Variants in CCDC137 observed in about 807,000 individuals in gnomAD.
CCDC137 encodes the protein coiled-coil domain-containing protein 137.
A neutral mutation model predicts 30.4 loss-of-function variants in CCDC137; 24 were observed. That is an observed-to-expected ratio of 0.79 (90% CI 0.57 to 1.11). The LOEUF is 1.11. Among genes scored for constraint, CCDC137 ranks in the 50% least tolerant of loss-of-function variants. The probability of loss-of-function intolerance (pLI) is 0.00; values close to 1 mark genes in which losing one functional copy is unlikely to be tolerated. For missense variants in CCDC137, 417 were observed against 380.4 expected, an observed-to-expected ratio of 1.10 and a Z score of -0.80; for synonymous variants, 182 against 155.7, an observed-to-expected ratio of 1.17 and a Z score of -1.26.
chr17:81,673,434 C>T lies in CCDC137; in HGVS notation c.*730C>T, dbSNP rs966959640. ...CAGTGGGAACAGAGTTGTCACCTACCTAACAGGGCTCTGAGAGAGCCGGGA... is the reference window on the plus strand; with the variant it reads ...CAGTGGGAACAGAGTTGTCACCTACTTAACAGGGCTCTGAGAGAGCCGGGA... On this transcript the variant is annotated 3_prime_UTR_variant, in exon 6 of 6. Transcript: ENST00000329214. 6.6e-6 allele frequency: 1 copy of T among 152,084 alleles called. No individual in the cohort carries two copies. The highest frequency in any genetic ancestry group is 2.1e-4 in the South Asian group (1 of 4,828). 9.4% of individuals were successfully genotyped at this position (152,084 alleles called of 1,614,324 possible). A position where few individuals can be genotyped will look rare whatever the true frequency, so the allele number is the denominator to read the frequency against.
rs1204885293 is a variant in CCDC137 at position 81,666,859 on chromosome 17, G to A, written c.93G>A (p.Pro31=). Residue 31 remains proline (P), a synonymous_variant, in exon 1 of 6, where the codon CCG becomes CCA. Coordinates refer to ENST00000329214, the MANE Select transcript of CCDC137 (RefSeq NM_199287.3). The part of the protein sequence containing the change: ...RRARGRQQVQ[P]LGKQRPAPWP... Reference sequence around the variant, plus strand: ...CGCGGGGGCGGCAGCAAGTGCAGCCGCTGGGGAAGCAGCGCCCAGCCCCGT... The same window carrying A: ...CGCGGGGGCGGCAGCAAGTGCAGCCACTGGGGAAGCAGCGCCCAGCCCCGT... 3 of 1,316,730 alleles carry A rather than the reference G, an allele frequency of 2.3e-6. No homozygotes were observed. Among genetic ancestry groups the A allele is most frequent in the South Asian group, 4.2e-5 (2 of 47,674 alleles). 81.6% of individuals were successfully genotyped at this position (1,316,730 alleles called of 1,614,324 possible).
chr17:81,672,871 C>T lies in CCDC137; in HGVS notation c.*167C>T, dbSNP rs1342354388. ...TCCACATCTTGCAGGGGGTGAGTGC[C>T]CGATGGACTAGGGCCAAGGCCTGGT... is the stretch of plus-strand genomic sequence containing the variant. On this transcript the variant is annotated 3_prime_UTR_variant, in exon 6 of 6. Transcript: ENST00000329214. The T allele has an allele frequency of 3.0e-6, 2 of 665,818 alleles. No homozygotes were observed. The highest frequency in any genetic ancestry group is 5.5e-5 in the East Asian group (2 of 36,188). 41.2% of individuals were successfully genotyped at this position (665,818 alleles called of 1,614,324 possible).
chr17:81,670,648 A>C (rs905008782), intron 3 of CCDC137, among the ~76,000 whole-genome samples, 195 bp downstream of exon 3: 1 of 152,184 alleles, frequency 6.6e-6, no homozygotes, highest in African/African-American at 2.4e-5. Flanking sequence ...GGCCTCCAGG[A>C]GGCTGCGGAA....
At position 81,668,141 on chromosome 17, in the gene CCDC137, C is replaced by T. The variant is rs779792296; in HGVS notation, c.268+279C>T. ...GGCGTTTTTTTCTCCCCAAAAGTAG[C>T]GAAGATTCATCAGAGTTTTTAGCAG... is the stretch of plus-strand genomic sequence containing the variant. On this transcript the variant is annotated intron_variant, in intron 2 of 5. Transcript: ENST00000329214. Among the ~76,000 whole-genome samples, 164 of 152,146 alleles carry T rather than the reference C, an allele frequency of 1.1e-3. 1 individual carries two copies. The highest frequency in any genetic ancestry group is 1.9e-3 in the Non-Finnish European group (126 of 68,018).
intron 5 of CCDC137, 85 bp downstream of exon 5, chr17:81,672,240 C>G: frequency 1.4e-6 from 2 of 1,385,000 alleles, no homozygotes; most frequent in East Asian, 2.4e-5. Context: ...CACGGTGGGT[C>G]ACACCTGTAA....
At chr17:81,667,917 C>A (rs2036665327) in intron 2 of CCDC137, 55 bp downstream of exon 2, 27 of 1,578,628 alleles carry the variant, frequency 1.7e-5, no homozygotes, top group Non-Finnish European at 2.2e-5. Flanking sequence ...TCAACCCGCC[C>A]AATCGCCCAA....
At position 81,672,097 on chromosome 17, in the gene CCDC137, T is replaced by C. The variant is rs1273035164; in HGVS notation, c.602T>C (p.Val201Ala). ...LLRDTVKFGE[V>A]VLQPPELTAR... Reference sequence around the variant, plus strand: ...CCAGACACGGTGAAGTTTGGTGAGGTTGTCCTGCAGCCCCCAGAGCTGACT... The same window carrying C: ...CCAGACACGGTGAAGTTTGGTGAGGCTGTCCTGCAGCCCCCAGAGCTGACT... The change falls in exon 5 of 6, where the codon GTT (valine) becomes GCT (alanine). Residue 201 changes from valine (V) to alanine (A), a missense_variant. Physicochemically the swap from Val to Ala is moderately conservative, Grantham distance 64 (BLOSUM62 0). Coordinates refer to ENST00000329214, the MANE Select transcript of CCDC137 (RefSeq NM_199287.3). 1.7e-5 allele frequency: 27 copies of C among 1,613,948 alleles called. No homozygotes were observed. The highest frequency in any genetic ancestry group is 2.2e-5 in the Non-Finnish European group (26 of 1,180,000).
intron 3 of CCDC137, among the ~76,000 whole-genome samples, chr17:81,670,864 C>T (rs2036712478): frequency 6.6e-6 from 1 of 152,188 alleles, no homozygotes; most frequent in Admixed American, 6.5e-5. Context: ...TACAGTGGCT[C>T]ACGCCTGTAA....
In CCDC137 at chr17:81,673,086, C is replaced by T. The variant is rs186801107; in HGVS notation, c.*382C>T. ...GCCCCCGGGAGTCAGCAGAGCCGAGCGTACAGTGCACATCAGGCAGAGCAG... is the reference window on the plus strand; with the variant it reads ...GCCCCCGGGAGTCAGCAGAGCCGAGTGTACAGTGCACATCAGGCAGAGCAG... On this transcript the variant is annotated 3_prime_UTR_variant, in exon 6 of 6. Coordinates refer to ENST00000329214, the MANE Select transcript of CCDC137 (RefSeq NM_199287.3). The T allele has an allele frequency of 1.4e-4, 40 of 281,798 alleles. No homozygotes were observed. The highest frequency in any genetic ancestry group is 7.4e-4 in the African/African-American group (34 of 45,934). 17.5% of individuals were successfully genotyped at this position (281,798 alleles called of 1,614,324 possible). A position where few individuals can be genotyped will look rare whatever the true frequency, so the allele number is the denominator to read the frequency against.
rs781395970 is a variant in CCDC137, at chr17:81,672,626, G to A, written c.792G>A (p.Ala264=). ...AGCGGGCCGTGCAGGCCTACAGAGC[G>A]TTGAAGCAGCGGCAGCAGCAGCTGC... is the stretch of plus-strand genomic sequence containing the variant. The part of the protein sequence containing the change: ...ERERAVQAYR[A]LKQRQQQLHG... The change falls in exon 6 of 6, where the codon GCG becomes GCA. Residue 264 remains alanine (A), a synonymous_variant. Coordinates refer to ENST00000329214, the MANE Select transcript of CCDC137 (RefSeq NM_199287.3). The A allele has an allele frequency of 2.4e-5, 38 of 1,599,872 alleles. No individual in the cohort carries two copies. Among genetic ancestry groups the A allele is most frequent in the Middle Eastern group, 1.7e-4 (1 of 6,040 alleles).
In CCDC137 at chr17:81,672,659, G is replaced by A; in HGVS notation, c.825G>A (p.Glu275=). 6.2e-7 allele frequency: 1 copy of A among 1,601,188 alleles called. No homozygotes were observed. The highest frequency in any genetic ancestry group is 1.1e-5 in the South Asian group (1 of 88,986). The part of the protein sequence containing the change: ...LKQRQQQLHG[E]RPHLTSRKKP... The stretch of plus-strand genomic sequence containing the variant: ...AGCGGCAGCAGCAGCTGCACGGGGA[G>A]CGACCCCACCTCACTTCCCGGAAGA... Residue 275 remains glutamate, a synonymous_variant, in exon 6 of 6, where the codon GAG becomes GAA. Transcript: ENST00000329214.
chr17:81,670,427 G>A lies in CCDC137; in HGVS notation c.471G>A (p.Lys157=). The A allele has an allele frequency of 6.2e-7, 1 of 1,613,600 alleles. No individual in the cohort carries two copies. The highest frequency in any genetic ancestry group is 8.5e-7 in the Non-Finnish European group (1 of 1,179,996). Residue 157 remains lysine (K), a synonymous_variant, in exon 3 of 6, where the codon AAG becomes AAA. Coordinates refer to ENST00000329214, the MANE Select transcript of CCDC137 (RefSeq NM_199287.3). ...AGGTGCAGGCAGCTCCCAAGGAGAA[G>A]TCTGAGCAGAAAAAAGCAAAAAAAG... ...QPEVQAAPKE[K]SEQKKAKKAF...
At chr17:81,671,034 A>G (rs2036714151) in intron 3 of CCDC137, among the ~76,000 whole-genome samples, 1 of 151,566 alleles carries the variant, frequency 6.6e-6, no homozygotes, top group African/African-American at 2.4e-5. Flanking sequence ...TGGGAGCCTG[A>G]GGCAGTGGAA....
chr17:81,672,048 A>C, intron 4 of CCDC137, 28 bp from the exon 5 acceptor site: 1 of 1,612,792 alleles, frequency 6.2e-7, no homozygotes, highest in Non-Finnish European at 8.5e-7. Context: ...TGTGGGCAGC[A>C]GTCCTCAGTT....
intron 3 of CCDC137, 58 bp from the exon 4 acceptor site, chr17:81,671,686 T>TC (rs891079257): frequency 3.4e-5 from 54 of 1,581,124 alleles, no homozygotes; most frequent in Non-Finnish European, 1.8e-5. Context: ...GGCCTCTGCC[T>TC]CCTCCCTGGG....
chr17:81,670,383 C>G lies in CCDC137; in HGVS notation c.427C>G (p.Gln143Glu). The G allele has an allele frequency of 6.2e-7, 1 of 1,613,940 alleles. No individual in the cohort carries two copies. Among genetic ancestry groups the G allele is most frequent in the East Asian group, 2.2e-5 (1 of 44,880 alleles). ...AQHVLFLSKN[Q>E]AIRQPEVQAA... Reference sequence around the variant, plus strand: ...GCATGTGCTGTTCCTCAGCAAGAACCAGGCCATCCGGCAGCCAGAGGTGCA... The same window carrying G: ...GCATGTGCTGTTCCTCAGCAAGAACGAGGCCATCCGGCAGCCAGAGGTGCA... The change falls in exon 3 of 6, where the codon CAG (glutamine) becomes GAG (glutamate). Residue 143 changes from glutamine (Q) to glutamate (E), a missense_variant. Coordinates refer to ENST00000329214, the MANE Select transcript of CCDC137 (RefSeq NM_199287.3).
Position 81,672,562 on chromosome 17 carries a change from C to T in CCDC137, c.728C>T (p.Ala243Val). ...SPGGVSQPLT[A>V]SLARQRIVEE... Reference sequence around the variant, plus strand: ...GGTGGTGTGTCCCAGCCTCTGACCGCCTCCCTGGCCCGCCAGCGGATTGTG... The same window carrying T: ...GGTGGTGTGTCCCAGCCTCTGACCGTCTCCCTGGCCCGCCAGCGGATTGTG... Residue 243 changes from alanine to valine, a missense_variant, in exon 6 of 6, where the codon GCC becomes GTC. Transcript: ENST00000329214. 6.4e-7 allele frequency: 1 copy of T among 1,574,422 alleles called. No individual in the cohort carries two copies. Among genetic ancestry groups the T allele is most frequent in the South Asian group, 1.2e-5 (1 of 85,948 alleles).
intron 5 of CCDC137, 46 bp downstream of exon 5, chr17:81,672,201 C>A (rs1282441339): frequency 6.3e-7 from 1 of 1,582,584 alleles, no homozygotes; most frequent in African/African-American, 1.3e-5. Context: ...CCAGTGCTGC[C>A]AGGGAACAGA....
intron 2 of CCDC137, 113 bp downstream of exon 2, chr17:81,667,975 T>C: frequency 1.5e-6 from 2 of 1,332,520 alleles, no homozygotes; most frequent in Non-Finnish European, 2.0e-6. Flanking sequence ...GACCCGGTGC[T>C]CAGAAGGTGG....
Sources: allele counts gnomAD v4.1 joint callset (sites outside exome capture counted in the v4.1 genomes callset), GRCh38; gene constraint gnomAD v4.1.1; transcripts MANE v1.5; gene names NCBI Gene and HGNC (gene_info 2026-07-23, HGNC 2026-07-21).